Variants in GTF3C2 observed in about 807,000 individuals in gnomAD.
The protein encoded by GTF3C2 is general transcription factor IIIC subunit 2, also known as general transcription factor 3C polypeptide 2.
A neutral mutation model predicts 117.4 loss-of-function variants in GTF3C2; 17 were observed. That is an observed-to-expected ratio of 0.14 (90% CI 0.10 to 0.22). GTF3C2 has a LOEUF of 0.22. Among genes scored for constraint, GTF3C2 ranks in the 10% least tolerant of loss-of-function variants. The pLI is 1.00. For synonymous variants in GTF3C2, 437 were observed against 427.0 expected (o/e 1.02, Z -0.29); for missense variants, 888 against 1,143.6 (o/e 0.78, Z 3.22).
chr2:27,333,806 G>A, intron 11 of GTF3C2, 22 bp from the exon 12 acceptor site: 1 of 1,601,650 alleles, frequency 6.2e-7, no homozygotes, highest in Non-Finnish European at 8.5e-7. Flanking sequence ...GAAGAGATGG[G>A]ACTAGGGTTA....
chr2:27,337,897 A>G (rs751449607), intron 5 of GTF3C2, 29 bp downstream of exon 5: 7 of 1,351,300 alleles, frequency 5.2e-6, no homozygotes, highest in Non-Finnish European at 7.4e-6. Context: ...CCCCTTTATT[A>G]ACCCCAGCCC....
chr2:27,334,704 A>G (rs1253064128), intron 10 of GTF3C2, among the ~76,000 whole-genome samples: 1 of 150,966 alleles, frequency 6.6e-6, no homozygotes, highest in Non-Finnish European at 1.5e-5. Context: ...GTGCAGTGGC[A>G]CAATCTCAGT....
intron 1 of GTF3C2, among the ~76,000 whole-genome samples, chr2:27,349,122 C>A (rs1681025427): frequency 6.8e-6 from 1 of 148,016 alleles, no homozygotes; most frequent in South Asian, 2.1e-4. Context: ...CAGGTGTGAG[C>A]CACTGTGCCC....
At chr2:27,335,929 G>A in exon 9 of GTF3C2, 1 of 1,603,688 alleles carries the variant, frequency 6.2e-7, no homozygotes, top group Non-Finnish European at 8.5e-7. Flanking sequence ...TCCGAGGGGT[G>A]CCTGGAAGTT....
At chr2:27,336,718 CCCA>C in intron 7 of GTF3C2, 1 of 347,102 alleles carries the variant, frequency 2.9e-6, no homozygotes, top group African/African-American at 2.1e-5. Flanking sequence ...AAGTGGTTAT[CCCA>C]CCTCAGCCTC....
In GTF3C2 at chr2:27,326,906, C is replaced by A. The variant is rs1680092880; in HGVS notation, c.2518-13G>T. On this transcript the variant is annotated splice_polypyrimidine_tract_variant and intron_variant, in intron 18 of 18. Coordinates refer to ENST00000264720, the Ensembl canonical transcript of GTF3C2. ...GGCTGAAACGTACCTGTGAAGAGAA[C>A]AGAAAACAAGAGAGAGATGCTCATG... 2.6e-6 allele frequency: 4 copies of A among 1,564,318 alleles called. No individual in the cohort carries two copies. The highest frequency in any genetic ancestry group is 3.5e-6 in the Non-Finnish European group (4 of 1,136,198).
At chr2:27,353,643 T>A (rs1200385775) in intron 1 of GTF3C2, among the ~76,000 whole-genome samples, 1 of 152,126 alleles carries the variant, frequency 6.6e-6, no homozygotes, top group Non-Finnish European at 1.5e-5. Context: ...TTCACCATGT[T>A]GGCCAGGCTG....
chr2:27,345,715 CTT>C (rs747679500), intron 1 of GTF3C2, among the ~76,000 whole-genome samples: 26 of 139,894 alleles, frequency 1.9e-4, no homozygotes, highest in Admixed American at 3.6e-4. Context: ...AAAGCTTTTC[CTT>C]TTTTTTTTTT....
chr2:27,328,331 G>T, intron 16 of GTF3C2, 137 bp downstream of exon 16: 1 of 1,046,514 alleles, frequency 9.6e-7, no homozygotes, highest in Non-Finnish European at 1.4e-6. Flanking sequence ...CGGTAGGGAA[G>T]ATTATATACA....
Position 27,353,670 on chromosome 2 carries a change from C to G in GTF3C2, c.-25+3069G>C, listed in dbSNP as rs571820262. Among the ~76,000 whole-genome samples the G allele has an allele frequency of 2.6e-5, 4 of 152,208 alleles. No individual in the cohort carries two copies. The South Asian group carries it at 8.3e-4, about 32-fold the overall frequency. On this transcript the variant is annotated intron_variant, in intron 1 of 18. Coordinates refer to ENST00000264720, the Ensembl canonical transcript of GTF3C2. ...GCCAGGCTGGTCTCAAACTCCCAAC[C>G]TCAGGTGATCCACCCACCTCGGCCT...
chr2:27,334,080 C>T lies in GTF3C2; in HGVS notation c.1577-81G>A, dbSNP rs1313623306. On this transcript the variant is annotated intron_variant, in intron 10 of 18. Transcript: ENST00000264720. ...TTACTCTGTCACCCAGGCCCGAGTG[C>T]AGTGGCATGATCATGGCTCACTGCA... 5.9e-6 allele frequency: 6 copies of T among 1,014,678 alleles called. No homozygotes were observed. In the East Asian group the frequency reaches 1.2e-4, roughly 20 times the overall value. 62.9% of individuals were successfully genotyped at this position (1,014,678 alleles called of 1,614,324 possible).
chr2:27,328,790 A>G, intron 15 of GTF3C2, 54 bp downstream of exon 15: 2 of 1,324,644 alleles, frequency 1.5e-6, no homozygotes, highest in Non-Finnish European at 2.2e-6. Flanking sequence ...CTAATAGTGC[A>G]TAAATGAGCC....
rs78067336 is a variant in GTF3C2, at chr2:27,333,618, A to G, written c.1732+37T>C. On this transcript the variant is annotated intron_variant, in intron 12 of 18. Coordinates refer to ENST00000264720, the Ensembl canonical transcript of GTF3C2. Reference sequence around the variant, plus strand: ...ACAAGCATATATAAAAAATTTAAAGAGCAATAGTTCCTTATGTTTTATTTT... The same window carrying G: ...ACAAGCATATATAAAAAATTTAAAGGGCAATAGTTCCTTATGTTTTATTTT... 8,263 of 1,462,898 alleles carry G rather than the reference A, an allele frequency of 5.6e-3. 386 individuals carry two copies. The African/African-American group carries it at 0.1, about 18-fold the overall frequency. 90.6% of individuals were successfully genotyped at this position (1,462,898 alleles called of 1,614,324 possible).
chr2:27,330,957 C>CA (rs1037618502), intron 12 of GTF3C2, among the ~76,000 whole-genome samples: 1 of 151,692 alleles, frequency 6.6e-6, no homozygotes, highest in East Asian at 1.9e-4. Context: ...GACCCTGTCT[C>CA]AAAAAAAATA....
At position 27,328,024 on chromosome 2, in the gene GTF3C2, G is replaced by A; in HGVS notation, c.2409+13C>T. On this transcript the variant is annotated intron_variant, in intron 17 of 18. Transcript: ENST00000264720. ...TTTCTAATACCACACCCATTCTCCT[G>A]GCCTCAGCTTACCAAATCTGTGTCT... 6.2e-7 allele frequency: 1 copy of A among 1,604,948 alleles called. No homozygotes were observed. Among genetic ancestry groups the A allele is most frequent in the Non-Finnish European group, 8.5e-7 (1 of 1,175,120 alleles).
chr2:27,337,377 A>T lies in GTF3C2; in HGVS notation c.1029-35T>A, dbSNP rs748429487. 2.6e-6 allele frequency: 4 copies of T among 1,528,764 alleles called. No individual in the cohort carries two copies. The African/African-American group carries it at 4.1e-5, about 16-fold the overall frequency. The allele number at this position is 1,528,764 out of a possible 1,614,324, so 94.7% of individuals were successfully genotyped here. On this transcript the variant is annotated intron_variant, in intron 6 of 18. Coordinates refer to ENST00000264720, the Ensembl canonical transcript of GTF3C2. ...GACAAAGGGAACAGTCTAAATTTGG[A>T]AGTGTTTCACCCATCTCAGGGTTCC...
At chr2:27,338,460 G>GCC (rs766733222) in intron 4 of GTF3C2, among the ~76,000 whole-genome samples, 2 of 76,122 alleles carry the variant, frequency 2.6e-5, no homozygotes, top group Non-Finnish European at 7.1e-5. Flanking sequence ...GCGCACGCGC[G>GCC]CACACACACA....
Position 27,344,344 on chromosome 2 carries a change from A to G in GTF3C2, c.-24-766T>C, listed in dbSNP as rs553695709. ...CTGGCCATAAAGCTTCCATTTATTA[A>G]ATGCTAACTATGTGCCAAGCACTAT... On this transcript the variant is annotated intron_variant, in intron 1 of 18. Transcript: ENST00000264720. 3.3e-5 allele frequency among the ~76,000 whole-genome samples: 5 copies of G among 152,324 alleles called. No individual in the cohort carries two copies. In the East Asian group the frequency reaches 9.6e-4, roughly 29 times the overall value.
At chr2:27,348,909 T>C (rs1340496598) in intron 1 of GTF3C2, among the ~76,000 whole-genome samples, 1 of 152,176 alleles carries the variant, frequency 6.6e-6, no homozygotes, top group African/African-American at 2.4e-5. Flanking sequence ...TGATCTCAGC[T>C]CACTGCAACC....
Sources: allele counts gnomAD v4.1 joint callset (sites outside exome capture counted in the v4.1 genomes callset), GRCh38; gene constraint gnomAD v4.1.1; transcripts MANE v1.5; gene names NCBI Gene and HGNC (gene_info 2026-07-23, HGNC 2026-07-21).